Variants in WWOX observed in about 807,000 individuals in gnomAD.
The protein encoded by WWOX is WW domain-containing oxidoreductase.
In WWOX, 69 loss-of-function variants were observed where a neutral mutation model predicts 46.2. That is an observed-to-expected ratio of 1.49 (90% CI 1.23 to 1.82). The LOEUF is 1.82. WWOX is among the 40% of genes most tolerant of loss of function. The pLI is 0.00. For missense variants in WWOX, 919 were observed against 542.6 expected, an observed-to-expected ratio of 1.69 and a Z score of -6.89; for synonymous variants, 359 against 202.6, an observed-to-expected ratio of 1.77 and a Z score of -6.56.
intron 8 of WWOX, among the ~76,000 whole-genome samples, chr16:78,470,185 C>T (rs919964808): frequency 1.3e-5 from 2 of 152,170 alleles, no homozygotes; most frequent in Non-Finnish European, 2.9e-5. Context: ...GTTGTCTGCA[C>T]AAAGCTGGTG....
Position 79,211,549 on chromosome 16 carries a change from C to T in WWOX, c.1057-59C>T, listed in dbSNP as rs117832776. ...GCTAATGCCCAGGCAGTCGAAATGA[C>T]GCCATCTCATCACTCCTTTTCTTAA... On this transcript the variant is annotated intron_variant, in intron 8 of 8. Coordinates refer to ENST00000566780, the MANE Select transcript of WWOX (RefSeq NM_016373.4). 5.4e-3 allele frequency: 8,714 copies of T among 1,608,702 alleles called. 84 individuals are homozygous for T. The highest frequency in any genetic ancestry group is 0.04 in the Admixed American group (2,388 of 59,774).
chr16:79,155,713 A>C (rs2050368166), intron 8 of WWOX, among the ~76,000 whole-genome samples: 1 of 152,158 alleles, frequency 6.6e-6, no homozygotes. Context: ...TCAATTCTAC[A>C]TTCCTAAGAA....
chr16:78,791,415 A>G (rs555859179), intron 8 of WWOX, among the ~76,000 whole-genome samples: 1 of 152,128 alleles, frequency 6.6e-6, no homozygotes, highest in Non-Finnish European at 1.5e-5. Flanking sequence ...GACATCATTC[A>G]TCTCCTGAAA....
intron 8 of WWOX, among the ~76,000 whole-genome samples, chr16:78,793,366 C>G (rs984126366): frequency 6.6e-6 from 1 of 152,190 alleles, no homozygotes; most frequent in Non-Finnish European, 1.5e-5. Context: ...AGGCCCCTGC[C>G]TCTGTTTAAA....
intron 8 of WWOX, among the ~76,000 whole-genome samples, chr16:79,058,015 C>T (rs565151027): frequency 1.2e-4 from 18 of 151,684 alleles, no homozygotes; most frequent in South Asian, 6.2e-4. Context: ...ATAGTGATTG[C>T]GAATCTCACT....
intron 4 of WWOX, among the ~76,000 whole-genome samples, chr16:78,139,838 T>G (rs1293486694): frequency 6.6e-6 from 1 of 152,084 alleles, no homozygotes; most frequent in African/African-American, 2.4e-5. Flanking sequence ...AAAAATGTGT[T>G]TTTTAGTTAG....
At chr16:79,082,244 A>C (rs550418700) in intron 8 of WWOX, among the ~76,000 whole-genome samples, 1 of 152,206 alleles carries the variant, frequency 6.6e-6, no homozygotes, top group Admixed American at 6.5e-5. Context: ...CGCCTTGGGA[A>C]ACAGAGGCAG....
chr16:78,390,776 A>C (rs535937975), intron 6 of WWOX, among the ~76,000 whole-genome samples: 15 of 152,250 alleles, frequency 9.9e-5, no homozygotes, highest in Admixed American at 9.2e-4. Flanking sequence ...AGACATTAAA[A>C]TTTTCTTGTG....
chr16:78,429,350 G>A (rs11863114), intron 7 of WWOX, among the ~76,000 whole-genome samples: 1,702 of 152,264 alleles, frequency 0.011, 24 homozygotes, highest in African/African-American at 0.039. Context: ...AATGTCCATG[G>A]AGGCATGCAT....
In WWOX at chr16:79,008,314, C is replaced by G. The variant is rs150717133; in HGVS notation, c.1057-203294C>G. The stretch of plus-strand genomic sequence containing the variant: ...CACTCTCTTCAGTGAGGGCCCAGCC[C>G]CTTTTAAGGGCCTAGCGATTAGATC... On this transcript the variant is annotated intron_variant, in intron 8 of 8. Coordinates refer to ENST00000566780, the MANE Select transcript of WWOX (RefSeq NM_016373.4). Among the ~76,000 whole-genome samples the G allele has an allele frequency of 1.8e-3, 275 of 152,224 alleles. 1 individual carries two copies. Among genetic ancestry groups the G allele is most frequent in the African/African-American group, 6.1e-3 (254 of 41,532 alleles).
intron 8 of WWOX, among the ~76,000 whole-genome samples, chr16:78,888,149 G>C (rs934216752): frequency 6.6e-6 from 1 of 152,078 alleles, no homozygotes; most frequent in Non-Finnish European, 1.5e-5. Context: ...CAAAAAGCTG[G>C]CTCCTTTTAA....
intron 8 of WWOX, among the ~76,000 whole-genome samples, chr16:79,021,807 G>A (rs747543672): frequency 1.3e-5 from 2 of 152,170 alleles, no homozygotes; most frequent in African/African-American, 4.8e-5. Context: ...CTCAGATTAA[G>A]GAGTCTGCAC....
chr16:78,391,013 A>T (rs776583747), intron 6 of WWOX, among the ~76,000 whole-genome samples: 1 of 152,154 alleles, frequency 6.6e-6, no homozygotes, highest in African/African-American at 2.4e-5. Context: ...GTGTTTCTCC[A>T]CACTGGGATA....
chr16:78,144,473 A>ATATATATACG (rs1567596411), intron 4 of WWOX, among the ~76,000 whole-genome samples: 1 of 37,596 alleles, frequency 2.7e-5, no homozygotes, highest in African/African-American at 1.4e-4. Flanking sequence ...ACACACATAT[A>ATATATATACG]TATATATATA....
chr16:78,431,684 G>A (rs1203085057), intron 7 of WWOX, among the ~76,000 whole-genome samples: 1 of 114,638 alleles, frequency 8.7e-6, no homozygotes, highest in Non-Finnish European at 1.7e-5. Context: ...TCTCTTTGTA[G>A]CCAATCCTTT....
At chr16:79,095,682 T>C (rs2049053514) in intron 8 of WWOX, among the ~76,000 whole-genome samples, 1 of 152,078 alleles carries the variant, frequency 6.6e-6, no homozygotes, top group African/African-American at 2.4e-5. Flanking sequence ...CCATTATTTG[T>C]CACATGTGTT....
chr16:78,652,720 C>T, intron 8 of WWOX, among the ~76,000 whole-genome samples: 1 of 152,062 alleles, frequency 6.6e-6, no homozygotes, highest in East Asian at 1.9e-4. Context: ...TTGTTCTTTT[C>T]AGATTTAGGT....
intron 5 of WWOX, among the ~76,000 whole-genome samples, chr16:78,208,837 C>T (rs1265504634): frequency 6.6e-6 from 1 of 152,152 alleles, no homozygotes; most frequent in Non-Finnish European, 1.5e-5. Context: ...GAAATAATGA[C>T]TAGTTAATTA....
chr16:79,046,077 C>T (rs1175679751), intron 8 of WWOX, among the ~76,000 whole-genome samples: 1 of 152,152 alleles, frequency 6.6e-6, no homozygotes, highest in Admixed American at 6.5e-5. Flanking sequence ...GCTAGAATTA[C>T]AGGCATAAGC....
Sources: allele counts gnomAD v4.1 joint callset (sites outside exome capture counted in the v4.1 genomes callset), GRCh38; gene constraint gnomAD v4.1.1; transcripts MANE v1.5; gene names NCBI Gene and HGNC (gene_info 2026-07-23, HGNC 2026-07-21).